FARP1: variants seen among roughly 807,000 people sequenced by gnomAD.
FARP1 encodes FERM, ARHGEF and pleckstrin domain-containing protein 1.
In FARP1, 52 loss-of-function variants were observed where a neutral mutation model predicts 128.8. The observed-to-expected ratio is 0.40, with a 90% CI of 0.32 to 0.51. The LOEUF (loss-of-function observed/expected upper bound fraction) is 0.51, where lower values mean the gene tolerates loss of function less well. Ranked by LOEUF, FARP1 falls within the 20% of genes least tolerant of loss-of-function variation. The probability of loss-of-function intolerance (pLI) is 0.45; values close to 1 mark genes in which losing one functional copy is unlikely to be tolerated. For synonymous variants in FARP1, 580 were observed against 551.8 expected (o/e 1.05, Z -0.72); for missense variants, 1,333 against 1,367.9 (o/e 0.97, Z 0.40).
intron 2 of FARP1, among the ~76,000 whole-genome samples, chr13:98,318,017 CTCCT>C (rs1886802776): frequency 6.7e-6 from 1 of 149,212 alleles, no homozygotes; most frequent in Non-Finnish European, 1.5e-5. Flanking sequence ...CCCTCTTCAT[CTCCT>C]TCTTCCTCCT....
chr13:98,386,650 C>G (rs1450654026), intron 8 of FARP1, among the ~76,000 whole-genome samples: 1 of 152,100 alleles, frequency 6.6e-6, no homozygotes, highest in African/African-American at 2.4e-5. Flanking sequence ...AAGTGGGTAA[C>G]CTGTGCTTTT....
At chr13:98,389,776 G>A in intron 9 of FARP1, 181 bp from the exon 10 acceptor site, 1 of 572,422 alleles carries the variant, frequency 1.7e-6, no homozygotes, top group Non-Finnish European at 3.0e-6. Context: ...ATGGACTAGG[G>A]ACCACATCTT....
At chr13:98,205,399 C>T (rs1760319865) in intron 1 of FARP1, among the ~76,000 whole-genome samples, 1 of 151,722 alleles carries the variant, frequency 6.6e-6, no homozygotes, top group Non-Finnish European at 1.5e-5. Flanking sequence ...TATCAGTTCT[C>T]TGTGTTTTTT....
intron 2 of FARP1, among the ~76,000 whole-genome samples, chr13:98,223,920 C>T (rs373314936): frequency 2.6e-5 from 4 of 152,190 alleles, no homozygotes; most frequent in African/African-American, 7.2e-5. Context: ...AGGAGCAGGT[C>T]AGTTGCTTTC....
At chr13:98,153,184 T>C (rs745337039) in intron 1 of FARP1, among the ~76,000 whole-genome samples, 9 of 150,316 alleles carry the variant, frequency 6.0e-5, no homozygotes, top group Admixed American at 4.8e-4. Flanking sequence ...TTTGGAAATA[T>C]CAGGATATGG....
At position 98,419,483 on chromosome 13, in the gene FARP1, T is replaced by TACACACACACACACAC. The variant is rs57751374; in HGVS notation, c.1827-5070_1827-5055dup. 3.6e-3 allele frequency among the ~76,000 whole-genome samples: 506 copies of TACACACACACACACAC among 140,032 alleles called. 3 individuals carry two copies. The highest frequency in any genetic ancestry group is 7.2e-3 in the Middle Eastern group (2 of 278). The allele number at this position is 140,032 out of a possible 152,430, so 91.9% of individuals were successfully genotyped here. A position where few individuals can be genotyped will look rare whatever the true frequency, so the allele number is the denominator to read the frequency against. The stretch of plus-strand genomic sequence containing the variant: ...ACGAGACTCTGTCTCCAAAAAAAAA[T>TACACACACACACACAC]ACACACACACACACACACACACACA... On this transcript the variant is annotated intron_variant, in intron 16 of 26. Coordinates refer to ENST00000319562, the MANE Select transcript of FARP1 (RefSeq NM_005766.4).
In FARP1 at chr13:98,445,939, C is replaced by G. The variant is rs114947210; in HGVS notation, c.2797-159C>G. On this transcript the variant is annotated intron_variant, in intron 24 of 26. Coordinates refer to ENST00000319562, the MANE Select transcript of FARP1 (RefSeq NM_005766.4). The stretch of plus-strand genomic sequence containing the variant: ...AGTGATGAGATCAGGGTCCCAGGAC[C>G]TGCCAAGTCTCCCCACACACGGGGG... The G allele has an allele frequency of 1.1e-3, 651 of 586,624 alleles. 3 individuals carry two copies. Among genetic ancestry groups the G allele is most frequent in the African/African-American group, 0.01 (556 of 53,240 alleles). 36.3% of individuals were successfully genotyped at this position (586,624 alleles called of 1,614,324 possible). A position where few individuals can be genotyped will look rare whatever the true frequency, so the allele number is the denominator to read the frequency against.
chr13:98,436,393 G>T (rs529781264), intron 19 of FARP1, among the ~76,000 whole-genome samples: 1 of 152,162 alleles, frequency 6.6e-6, no homozygotes, highest in African/African-American at 2.4e-5. Context: ...GGAATCAAAC[G>T]TATCATTCAG....
chr13:98,259,626 A>G (rs769004617), intron 2 of FARP1, among the ~76,000 whole-genome samples: 2 of 152,314 alleles, frequency 1.3e-5, no homozygotes, highest in South Asian at 2.1e-4. Context: ...GCAGTGTTCA[A>G]TTTTTAAAAT....
intron 3 of FARP1, among the ~76,000 whole-genome samples, chr13:98,364,470 G>A (rs1889000925): frequency 6.6e-6 from 1 of 152,154 alleles, no homozygotes; most frequent in South Asian, 2.1e-4. Context: ...TTAGCTGTTG[G>A]CATTTTCTCT....
At chr13:98,418,391 C>T in intron 16 of FARP1, among the ~76,000 whole-genome samples, 1 of 152,176 alleles carries the variant, frequency 6.6e-6, no homozygotes, top group East Asian at 1.9e-4. Flanking sequence ...TCTCCTGCCT[C>T]AGCCTCCCCA....
chr13:98,367,515 G>C (rs1380306266), intron 4 of FARP1, among the ~76,000 whole-genome samples: 1 of 150,102 alleles, frequency 6.7e-6, no homozygotes, highest in South Asian at 2.1e-4. Context: ...ATTCTGAAAA[G>C]TTGTTCATCT....
chr13:98,268,135 G>GGC (rs1884214678), intron 2 of FARP1, among the ~76,000 whole-genome samples: 33 of 152,104 alleles, frequency 2.2e-4, no homozygotes, highest in Admixed American at 2.2e-3. Flanking sequence ...CTATTTTGGG[G>GGC]ACATGTGAAA....
chr13:98,144,796 C>G (rs1415731510), intron 1 of FARP1, among the ~76,000 whole-genome samples: 1 of 152,144 alleles, frequency 6.6e-6, no homozygotes, highest in Non-Finnish European at 1.5e-5. Context: ...CTTCGTTGTT[C>G]CGGAGACTTT....
At chr13:98,370,934 C>T (rs1347013746) in intron 5 of FARP1, among the ~76,000 whole-genome samples, 2 of 152,138 alleles carry the variant, frequency 1.3e-5, no homozygotes, top group Non-Finnish European at 2.9e-5. Context: ...GCTGCTAAGC[C>T]GGGTCTGCAC....
At chr13:98,312,472 G>T (rs140943784) in intron 2 of FARP1, among the ~76,000 whole-genome samples, 7 of 152,170 alleles carry the variant, frequency 4.6e-5, no homozygotes, top group Non-Finnish European at 8.8e-5. Context: ...TCATAGCTCA[G>T]TTTGCAAGGT....
At position 98,279,006 on chromosome 13, in the gene FARP1, T is replaced by G. The variant is rs1884802090; in HGVS notation, c.172-64756T>G. ...ACGCCCTGCTAATTTTTTTTTTTTT[T>G]TTGTATTTTTAGTAGAAATGGGGTT... On this transcript the variant is annotated intron_variant, in intron 2 of 26. Transcript: ENST00000319562. Among the ~76,000 whole-genome samples the G allele has an allele frequency of 2.0e-5, 3 of 151,330 alleles. No individual in the cohort carries two copies. The South Asian group carries it at 6.3e-4, about 32-fold the overall frequency.
At chr13:98,335,790 C>T (rs1439706873) in intron 2 of FARP1, among the ~76,000 whole-genome samples, 2 of 152,016 alleles carry the variant, frequency 1.3e-5, no homozygotes, top group Non-Finnish European at 1.5e-5. Context: ...TGAGATGGGT[C>T]GAGAGTTGGT....
chr13:98,275,471 T>C (rs931769764), intron 2 of FARP1, among the ~76,000 whole-genome samples: 19 of 151,716 alleles, frequency 1.3e-4, no homozygotes, highest in African/African-American at 4.6e-4. Context: ...TTGGTAAATA[T>C]TTTAAAATAT....
Sources: allele counts gnomAD v4.1 joint callset (sites outside exome capture counted in the v4.1 genomes callset), GRCh38; gene constraint gnomAD v4.1.1; transcripts MANE v1.5; gene names NCBI Gene and HGNC (gene_info 2026-07-23, HGNC 2026-07-21).